The following NTM variants were observed in gnomAD, a reference collection of about 807,000 sequenced individuals.
NTM encodes the protein IgLON family member 2.
NTM carries 13 observed loss-of-function variants against 42.1 expected under a neutral mutation model. The observed-to-expected ratio is 0.31, with a 90% CI of 0.20 to 0.49. The LOEUF (loss-of-function observed/expected upper bound fraction) is 0.49, where lower values mean the gene tolerates loss of function less well. Among genes scored for constraint, NTM ranks in the 20% least tolerant of loss-of-function variants. The pLI, the probability that NTM is intolerant of heterozygous loss-of-function variation, is 0.99. For synonymous variants in NTM, 187 were observed against 179.2 expected, an observed-to-expected ratio of 1.04 and a Z score of -0.35; for missense variants, 373 against 452.8, an observed-to-expected ratio of 0.82 and a Z score of 1.60.
intron 2 of NTM, among the ~76,000 whole-genome samples, chr11:132,126,965 G>C (rs2065942620): frequency 6.6e-6 from 1 of 152,204 alleles, no homozygotes; most frequent in African/African-American, 2.4e-5. Flanking sequence ...TATTTAACTT[G>C]CTTCTTTCGG....
At chr11:131,676,897 T>C (rs79180366) in intron 1 of NTM, among the ~76,000 whole-genome samples, 4,854 of 152,326 alleles carry the variant, frequency 0.032, 261 homozygotes, top group African/African-American at 0.11. Flanking sequence ...TACAGTCGCC[T>C]CACGACGGAC....
intron 1 of NTM, among the ~76,000 whole-genome samples, chr11:131,686,987 G>T (rs1040680402): frequency 1.3e-5 from 2 of 152,116 alleles, no homozygotes; most frequent in Non-Finnish European, 2.9e-5. Context: ...GGGCAGCGGA[G>T]CCCAGGCCGC....
chr11:132,080,151 A>T (rs557867806), intron 2 of NTM, among the ~76,000 whole-genome samples: 26 of 151,956 alleles, frequency 1.7e-4, no homozygotes, highest in Middle Eastern at 3.4e-3. Context: ...CTGAAGAGTC[A>T]TTATGAAACT....
At chr11:132,270,658 T>A (rs1276837730) in intron 4 of NTM, among the ~76,000 whole-genome samples, 4 of 151,262 alleles carry the variant, frequency 2.6e-5, no homozygotes, top group East Asian at 1.9e-4. Flanking sequence ...TTTTTATTTT[T>A]TTTTTTACTT....
Position 131,504,365 on chromosome 11 carries a change from C to T in NTM, c.82+133477C>T, listed in dbSNP as rs192882330. ...GGATACCCTCAAATTTGGTGGCTCT[C>T]GGCTGCCCCCACCTGCCATAAATCA... On this transcript the variant is annotated intron_variant, in intron 1 of 8. Coordinates refer to ENST00000683400, the MANE Select transcript of NTM (RefSeq NM_001352005.2). Among the ~76,000 whole-genome samples the T allele has an allele frequency of 3.5e-4, 54 of 152,256 alleles. No individual in the cohort carries two copies. In the East Asian group the frequency reaches 6.0e-3, roughly 17 times the overall value.
chr11:131,629,624 G>A (rs940988966), intron 1 of NTM, among the ~76,000 whole-genome samples: 3 of 152,154 alleles, frequency 2.0e-5, no homozygotes, highest in Non-Finnish European at 4.4e-5. Context: ...AAGGCAGCTT[G>A]CTTACAAGGA....
At chr11:131,561,781 C>A (rs145073339) in intron 1 of NTM, among the ~76,000 whole-genome samples, 1 of 152,262 alleles carries the variant, frequency 6.6e-6, no homozygotes, top group East Asian at 1.9e-4. Context: ...ATTCCTTCGG[C>A]CTTCATCATC....
intron 2 of NTM, among the ~76,000 whole-genome samples, chr11:131,971,111 A>T (rs1035207999): frequency 6.6e-6 from 1 of 152,192 alleles, no homozygotes; most frequent in Non-Finnish European, 1.5e-5. Flanking sequence ...ATGGGACTCC[A>T]CAGGCTTAAT....
chr11:132,039,610 C>T (rs1047302298), intron 2 of NTM, among the ~76,000 whole-genome samples: 1 of 151,996 alleles, frequency 6.6e-6, no homozygotes, highest in Non-Finnish European at 1.5e-5. Context: ...GAGAAACCTT[C>T]GCAGAGGTGG....
intron 1 of NTM, among the ~76,000 whole-genome samples, chr11:131,564,432 A>G (rs2056615364): frequency 7.1e-6 from 1 of 141,722 alleles, no homozygotes; most frequent in Admixed American, 6.7e-5. Context: ...GTAGAGGGAT[A>G]GGGTGGGTAG....
intron 1 of NTM, among the ~76,000 whole-genome samples, chr11:131,606,145 G>A (rs1472954199): frequency 2.6e-5 from 4 of 152,060 alleles, no homozygotes; most frequent in Non-Finnish European, 5.9e-5. Flanking sequence ...CCTGGCTAAA[G>A]TGATTTGCCT....
intron 2 of NTM, among the ~76,000 whole-genome samples, chr11:131,985,603 A>G (rs10791186): frequency 0.12 from 18,510 of 152,134 alleles, 1,642 homozygotes; most frequent in East Asian, 0.44. Flanking sequence ...CAAGATCACC[A>G]CGAGTCTTGA....
At chr11:132,317,573 T>C (rs898999048) in intron 7 of NTM, 2 of 786,016 alleles carry the variant, frequency 2.5e-6, no homozygotes, top group African/African-American at 1.8e-5. Context: ...ATACAAACTA[T>C]ATATGACAAA....
intron 1 of NTM, among the ~76,000 whole-genome samples, chr11:131,531,732 G>A (rs1377102858): frequency 1.3e-5 from 2 of 152,186 alleles, no homozygotes; most frequent in Non-Finnish European, 2.9e-5. Flanking sequence ...GTAAAACACC[G>A]AGGTAGAGGG....
intron 1 of NTM, among the ~76,000 whole-genome samples, chr11:131,412,980 A>G (rs1420391934): frequency 6.6e-6 from 1 of 152,166 alleles, no homozygotes; most frequent in Non-Finnish European, 1.5e-5. Context: ...GCAAAGGATA[A>G]CATTAAACCT....
intron 4 of NTM, among the ~76,000 whole-genome samples, chr11:132,265,847 C>A (rs778779097): frequency 6.6e-6 from 1 of 152,162 alleles, no homozygotes; most frequent in Non-Finnish European, 1.5e-5. Context: ...AACTGAAGCA[C>A]AGGCAGAGAG....
intron 1 of NTM, among the ~76,000 whole-genome samples, chr11:131,620,253 T>G (rs1308418729): frequency 6.6e-6 from 1 of 152,218 alleles, no homozygotes; most frequent in East Asian, 1.9e-4. Context: ...CCTCTTCAGC[T>G]GCACCAAGGG....
At chr11:131,487,897 C>T (rs1040364285) in intron 1 of NTM, among the ~76,000 whole-genome samples, 2 of 152,176 alleles carry the variant, frequency 1.3e-5, no homozygotes. Context: ...TTTGTTCAGG[C>T]ATTTGCCAAG....
chr11:131,826,065 T>C (rs2042094904), intron 1 of NTM, among the ~76,000 whole-genome samples: 1 of 152,180 alleles, frequency 6.6e-6, no homozygotes, highest in Non-Finnish European at 1.5e-5. Context: ...AGGAATTTGC[T>C]TTGATAAACT....
Sources: allele counts gnomAD v4.1 joint callset (sites outside exome capture counted in the v4.1 genomes callset), GRCh38; gene constraint gnomAD v4.1.1; transcripts MANE v1.5; gene names NCBI Gene and HGNC (gene_info 2026-07-23, HGNC 2026-07-21).